The following FBXO34 variants were observed in gnomAD, a reference collection of about 807,000 sequenced individuals.
FBXO34 encodes F-box protein 34.
A neutral mutation model predicts 24.5 loss-of-function variants in FBXO34; 12 were observed. The ratio of observed to expected loss-of-function variants is 0.49; its 90% CI spans 0.31 to 0.79. The LOEUF (loss-of-function observed/expected upper bound fraction) is 0.79, where lower values mean the gene tolerates loss of function less well. FBXO34 is among the 30% of genes least tolerant of loss of function. FBXO34 has a pLI of 0.04. For missense variants in FBXO34, 823 were observed against 857.7 expected, an observed-to-expected ratio of 0.96 and a Z score of 0.51; for synonymous variants, 320 against 311.9, an observed-to-expected ratio of 1.03 and a Z score of -0.27.
At chr14:55,392,665 AAAG>A in the FBXO34 span, among the ~76,000 whole-genome samples, 2 of 151,946 alleles carry the variant, frequency 1.3e-5, no homozygotes, top group Admixed American at 6.6e-5. Context: ...AAAAAAAAAA[AAAG>A]AAGGATCTAC....
chr14:55,398,050 C>G, the FBXO34 span, among the ~76,000 whole-genome samples: 1 of 151,112 alleles, frequency 6.6e-6, no homozygotes, highest in Non-Finnish European at 1.5e-5. Context: ...TGGGCTCACG[C>G]CATTCTCCCG....
chr14:55,375,176 C>T, the FBXO34 span, among the ~76,000 whole-genome samples: 1 of 152,164 alleles, frequency 6.6e-6, no homozygotes, highest in Non-Finnish European at 1.5e-5. Context: ...AAATAAGCTT[C>T]ATAATTTTTA....
the FBXO34 span, among the ~76,000 whole-genome samples, chr14:55,415,217 G>A: frequency 6.6e-6 from 1 of 152,190 alleles, no homozygotes; most frequent in Non-Finnish European, 1.5e-5. Flanking sequence ...ACACTAATCA[G>A]TTAATCTGAT....
chr14:55,357,585 G>A (rs1054442238), downstream of FBXO34, among the ~76,000 whole-genome samples: 1 of 152,198 alleles, frequency 6.6e-6, no homozygotes, highest in Non-Finnish European at 1.5e-5. Flanking sequence ...GGAGGCCAAG[G>A]TGGAAAAATC....
downstream of FBXO34, among the ~76,000 whole-genome samples, chr14:55,374,358 C>A (rs1884879996): frequency 6.6e-6 from 1 of 152,150 alleles, no homozygotes; most frequent in African/African-American, 2.4e-5. Context: ...GTGTGAGCCG[C>A]ATGTTTTAAT....
At chr14:55,410,472 A>G in the FBXO34 span, among the ~76,000 whole-genome samples, 1 of 152,212 alleles carries the variant, frequency 6.6e-6, no homozygotes, top group Non-Finnish European at 1.5e-5. Flanking sequence ...AGCAGTTTCT[A>G]AAGTCATCAA....
downstream of FBXO34, among the ~76,000 whole-genome samples, chr14:55,365,159 C>G (rs140187672): frequency 9.5e-3 from 1,389 of 146,600 alleles, 13 homozygotes; most frequent in Middle Eastern, 0.071. Flanking sequence ...TGCAGTGAGC[C>G]GAGATCGTGC....
chr14:55,293,511 A>G (rs1293007014), intron 1 of FBXO34, among the ~76,000 whole-genome samples: 2 of 152,160 alleles, frequency 1.3e-5, no homozygotes, highest in African/African-American at 4.8e-5. Context: ...TAAGGGCCTG[A>G]TATCTATAAT....
chr14:55,357,324 C>T (rs545553397), downstream of FBXO34, among the ~76,000 whole-genome samples: 78 of 152,196 alleles, frequency 5.1e-4, no homozygotes, highest in Non-Finnish European at 9.8e-4. Flanking sequence ...TATGTGGCAG[C>T]AGCCCATGTA....
intron 1 of FBXO34, among the ~76,000 whole-genome samples, chr14:55,343,692 G>A (rs1884065288): frequency 6.6e-6 from 1 of 152,326 alleles, no homozygotes; most frequent in South Asian, 2.1e-4. Context: ...AAGCAAGGCT[G>A]AAGACTAGCA....
At chr14:55,416,170 G>T in the FBXO34 span, among the ~76,000 whole-genome samples, 2 of 152,164 alleles carry the variant, frequency 1.3e-5, no homozygotes, top group African/African-American at 2.4e-5. Context: ...AGAGCCGGTG[G>T]TATATTCACA....
At chr14:55,297,162 A>T (rs964993637) in intron 1 of FBXO34, among the ~76,000 whole-genome samples, 1 of 152,158 alleles carries the variant, frequency 6.6e-6, no homozygotes, top group Non-Finnish European at 1.5e-5. Context: ...CTGCCGGCAT[A>T]TATGTCTGCA....
At chr14:55,381,625 G>A in the FBXO34 span, among the ~76,000 whole-genome samples, 2 of 152,244 alleles carry the variant, frequency 1.3e-5, no homozygotes, top group East Asian at 3.9e-4. Context: ...AAAACATTAC[G>A]CTAAGTGAAA....
At chr14:55,433,284 A>G in the FBXO34 span, among the ~76,000 whole-genome samples, 2 of 148,784 alleles carry the variant, frequency 1.3e-5, no homozygotes, top group Non-Finnish European at 1.5e-5. Flanking sequence ...ATGCACCACC[A>G]CATCCAGCTA....
the FBXO34 span, among the ~76,000 whole-genome samples, chr14:55,432,538 G>T: frequency 2.7e-5 from 4 of 150,400 alleles, no homozygotes; most frequent in African/African-American, 9.9e-5. Context: ...AAAAACAAAA[G>T]ATAAATCTCT....
At chr14:55,399,985 G>C in the FBXO34 span, among the ~76,000 whole-genome samples, 2 of 152,210 alleles carry the variant, frequency 1.3e-5, no homozygotes, top group African/African-American at 4.8e-5. Flanking sequence ...ATAAGTCCTA[G>C]TGTATCAAAT....
intron 3 of FBXO34, among the ~76,000 whole-genome samples, chr14:55,359,648 T>C (rs956922513): frequency 6.6e-6 from 1 of 152,204 alleles, no homozygotes; most frequent in Non-Finnish European, 1.5e-5. Context: ...CAATGAAGTT[T>C]GCTGTATCGA....
chr14:55,435,896 T>C, the FBXO34 span: 1 of 1,579,892 alleles, frequency 6.3e-7, no homozygotes, highest in Non-Finnish European at 8.5e-7. Context: ...TTTCTTCAGA[T>C]CCAACTTACA....
the FBXO34 span, chr14:55,386,189 G>C: frequency 8.9e-7 from 1 of 1,128,026 alleles, no homozygotes; most frequent in Non-Finnish European, 1.3e-6. Flanking sequence ...GTTTTCCCTT[G>C]CAATCTAAAC....
Sources: gnomAD v4.1 joint callset for allele counts (sites outside exome capture counted in the v4.1 genomes callset) on GRCh38, gnomAD v4.1.1 for gene constraint, MANE v1.5 for transcripts, NCBI Gene and HGNC (gene_info 2026-07-23, HGNC 2026-07-21) for gene names.